Variants in COL22A1 observed in about 807,000 individuals in gnomAD.
The protein encoded by COL22A1 is collagen alpha-1(XXII) chain.
A neutral mutation model predicts 248.9 loss-of-function variants in COL22A1; 221 were observed. That is an observed-to-expected ratio of 0.89 (90% CI 0.80 to 0.99). The LOEUF (loss-of-function observed/expected upper bound fraction) is 0.99, where lower values mean the gene tolerates loss of function less well. Among genes scored for constraint, COL22A1 ranks in the 50% least tolerant of loss-of-function variants. COL22A1 has a pLI of 0.00. For synonymous variants in COL22A1, 891 were observed against 793.4 expected (o/e 1.12, Z -2.07); for missense variants, 2,240 against 2,179.0 (o/e 1.03, Z -0.56).
At chr8:138,674,809 T>C (rs1402965740) in intron 41 of COL22A1, among the ~76,000 whole-genome samples, 1 of 152,140 alleles carries the variant, frequency 6.6e-6, no homozygotes, top group African/African-American at 2.4e-5. Context: ...GAGTGCCACA[T>C]GAAGCAGCAT....
At chr8:138,615,188 T>G (rs1041648264) in intron 55 of COL22A1, among the ~76,000 whole-genome samples, 2 of 152,178 alleles carry the variant, frequency 1.3e-5, no homozygotes, top group African/African-American at 4.8e-5. Context: ...GTCAGTCCCT[T>G]TATCTCTCTG....
At chr8:138,850,261 A>C (rs962864887) in intron 3 of COL22A1, among the ~76,000 whole-genome samples, 1 of 152,166 alleles carries the variant, frequency 6.6e-6, no homozygotes, top group Admixed American at 6.5e-5. Context: ...TGTTCAATCC[A>C]CATCTCCCAG....
At chr8:138,668,904 G>A (rs573388511) in intron 41 of COL22A1, among the ~76,000 whole-genome samples, 87 of 152,310 alleles carry the variant, frequency 5.7e-4, no homozygotes, top group Non-Finnish European at 1.0e-3. Context: ...GGGGATAGGC[G>A]AAAAGAGGTT....
chr8:138,652,123 C>A (rs1822794448), intron 45 of COL22A1, among the ~76,000 whole-genome samples: 1 of 152,174 alleles, frequency 6.6e-6, no homozygotes, highest in African/African-American at 2.4e-5. Flanking sequence ...CTCCTGGGAG[C>A]CCCCCGAGTC....
chr8:138,616,072 T>C lies in COL22A1; in HGVS notation c.3871-18A>G, dbSNP rs754811452. On this transcript the variant is annotated intron_variant, in intron 54 of 64. Coordinates refer to ENST00000303045, the MANE Select transcript of COL22A1 (RefSeq NM_152888.3). ...GACTCTCCCTAGGAACAAAAAAGCCTGCTATTAGGGAAGGAGATGCTTCAG... is the reference window on the plus strand; with the variant it reads ...GACTCTCCCTAGGAACAAAAAAGCCCGCTATTAGGGAAGGAGATGCTTCAG... The C allele has an allele frequency of 6.2e-7, 1 of 1,606,330 alleles. No individual in the cohort carries two copies. Among genetic ancestry groups the C allele is most frequent in the South Asian group, 1.1e-5 (1 of 90,924 alleles).
intron 3 of COL22A1, among the ~76,000 whole-genome samples, chr8:138,846,097 T>C (rs955788248): frequency 6.6e-6 from 1 of 152,074 alleles, no homozygotes; most frequent in African/African-American, 2.4e-5. Flanking sequence ...AAGGGGTTAT[T>C]TTGGAAACAG....
intron 4 of COL22A1, among the ~76,000 whole-genome samples, chr8:138,835,536 C>T (rs1051096331): frequency 1.3e-5 from 2 of 152,162 alleles, no homozygotes; most frequent in Non-Finnish European, 2.9e-5. Context: ...CTTTCCTGAC[C>T]CGCCAGCTGC....
chr8:138,608,463 C>T (rs896334005), intron 56 of COL22A1, among the ~76,000 whole-genome samples: 1 of 152,160 alleles, frequency 6.6e-6, no homozygotes, highest in Admixed American at 6.5e-5. Context: ...ATTATACTCT[C>T]ATTTAAAATA....
intron 24 of COL22A1, 127 bp downstream of exon 24, chr8:138,725,260 G>A: frequency 1.0e-6 from 1 of 967,980 alleles, no homozygotes; most frequent in Admixed American, 1.7e-5. Flanking sequence ...GGGTCCTCCT[G>A]TGTGTGTTTT....
chr8:138,702,872 AG>A (rs907079361), intron 31 of COL22A1, among the ~76,000 whole-genome samples: 5 of 152,164 alleles, frequency 3.3e-5, no homozygotes, highest in African/African-American at 4.8e-5. Flanking sequence ...GCTGGGAGCC[AG>A]GTCTTCATGC....
At chr8:138,801,880 C>CA (rs34202495) in intron 11 of COL22A1, among the ~76,000 whole-genome samples, 42,370 of 146,738 alleles carry the variant, frequency 0.29, 6,132 homozygotes, top group African/African-American at 0.35. Flanking sequence ...GACTTTATCT[C>CA]AAAAAAAAAA....
At chr8:138,813,630 TAAA>T (rs1818432123) in intron 7 of COL22A1, among the ~76,000 whole-genome samples, 1 of 65,224 alleles carries the variant, frequency 1.5e-5, no homozygotes, top group East Asian at 3.5e-4. Context: ...CAGGACACGT[TAAA>T]GTCCAGCGTT....
chr8:138,834,584 T>C (rs1322078340), intron 4 of COL22A1, among the ~76,000 whole-genome samples: 1 of 152,094 alleles, frequency 6.6e-6, no homozygotes, highest in African/African-American at 2.4e-5. Context: ...ACTATATCTT[T>C]GCTGGGTGAC....
chr8:138,709,396 C>T (rs1323801657), intron 30 of COL22A1, among the ~76,000 whole-genome samples: 3 of 152,018 alleles, frequency 2.0e-5, no homozygotes, highest in Admixed American at 1.3e-4. Flanking sequence ...CCCAAATGTC[C>T]ATCAATGATA....
intron 58 of COL22A1, among the ~76,000 whole-genome samples, chr8:138,605,185 C>T (rs1818327823): frequency 6.6e-6 from 1 of 152,172 alleles, no homozygotes; most frequent in South Asian, 2.1e-4. Context: ...TCTTAAACAA[C>T]CTCCCTACAA....
chr8:138,742,182 A>T, intron 22 of COL22A1, among the ~76,000 whole-genome samples: 2 of 119,846 alleles, frequency 1.7e-5, no homozygotes, highest in Non-Finnish European at 1.7e-5. Context: ...GTGATGGTAA[A>T]GTTGATGATG....
intron 7 of COL22A1, among the ~76,000 whole-genome samples, chr8:138,816,937 AT>A (rs1328597506): frequency 2.6e-5 from 4 of 152,258 alleles, no homozygotes; most frequent in African/African-American, 9.6e-5. Flanking sequence ...ATTATTCTCT[AT>A]TGCCTCTAAC....
intron 12 of COL22A1, among the ~76,000 whole-genome samples, chr8:138,796,389 C>CTTTT (rs11284610): frequency 3.8e-5 from 1 of 26,308 alleles, no homozygotes; most frequent in African/African-American, 1.3e-4. Context: ...TGCTACTTTC[C>CTTTT]TTTTTTTTTT....
intron 30 of COL22A1, among the ~76,000 whole-genome samples, chr8:138,709,165 T>C (rs1445733615): frequency 1.3e-5 from 2 of 152,032 alleles, no homozygotes; most frequent in Non-Finnish European, 2.9e-5. Context: ...TGTGGAGAAA[T>C]AGGAACACTT....
Sources: gnomAD v4.1 joint callset for allele counts (sites outside exome capture counted in the v4.1 genomes callset) on GRCh38, gnomAD v4.1.1 for gene constraint, MANE v1.5 for transcripts, NCBI Gene and HGNC (gene_info 2026-07-23, HGNC 2026-07-21) for gene names.